The following FAM81B variants were observed in gnomAD, a reference collection of about 807,000 sequenced individuals.
FAM81B encodes the protein protein FAM81B.
In FAM81B, 60 loss-of-function variants were observed where a neutral mutation model predicts 58.7. The observed-to-expected ratio is 1.02, with a 90% CI of 0.83 to 1.27. The LOEUF (loss-of-function observed/expected upper bound fraction) is 1.27, where lower values mean the gene tolerates loss of function less well. Ranked by LOEUF, FAM81B falls within the 50% of genes most tolerant of loss-of-function variation. The pLI is 0.00. For missense variants in FAM81B, 491 were observed against 522.0 expected (o/e 0.94, Z 0.58); for synonymous variants, 189 against 179.6 (o/e 1.05, Z -0.42).
At chr5:95,426,093 T>C (rs933802196) in intron 5 of FAM81B, among the ~76,000 whole-genome samples, 1 of 80,860 alleles carries the variant, frequency 1.2e-5, no homozygotes, top group Non-Finnish European at 2.3e-5. Flanking sequence ...TATCTCTGTG[T>C]GTATATATAT....
At chr5:95,450,034 A>T in intron 9 of FAM81B, 115 bp from the exon 10 acceptor site, 2 of 1,197,148 alleles carry the variant, frequency 1.7e-6, no homozygotes, top group Non-Finnish European at 2.3e-6. Flanking sequence ...CATAGAATTT[A>T]ATGCGCTTGG....
chr5:95,439,419 T>C (rs1242634737), intron 7 of FAM81B, among the ~76,000 whole-genome samples: 1 of 151,906 alleles, frequency 6.6e-6, no homozygotes, highest in Non-Finnish European at 1.5e-5. Flanking sequence ...GCATCTGTTT[T>C]AATTTGCATT....
chr5:95,420,550 G>A, intron 5 of FAM81B, 148 bp downstream of exon 5: 2 of 1,177,708 alleles, frequency 1.7e-6, no homozygotes, highest in Non-Finnish European at 2.3e-6. Context: ...GTGTACCATA[G>A]AACTTTCAAT....
At chr5:95,420,532 T>C in intron 5 of FAM81B, 130 bp downstream of exon 5, 2 of 1,305,948 alleles carry the variant, frequency 1.5e-6, no homozygotes, top group Middle Eastern at 1.9e-4. Context: ...GAGATGGCAT[T>C]TGAGAAAGTG....
intron 5 of FAM81B, among the ~76,000 whole-genome samples, chr5:95,427,481 T>C (rs180797599): frequency 4.7e-4 from 72 of 152,268 alleles, no homozygotes; most frequent in Admixed American, 1.2e-3. Flanking sequence ...GGGATACCTT[T>C]AGTATCTTTT....
chr5:95,450,330 G>A lies in FAM81B; in HGVS notation c.*48G>A. On this transcript the variant is annotated 3_prime_UTR_variant, in exon 10 of 10. Transcript: ENST00000283357. ...TCATCAGCCAATGGAGTGATTTGTT[G>A]GAAAAAGTTCTGAAGAAGAAAGTTA... 6.3e-7 allele frequency: 1 copy of A among 1,590,754 alleles called. No homozygotes were observed. The highest frequency in any genetic ancestry group is 8.5e-7 in the Non-Finnish European group (1 of 1,172,554).
intron 4 of FAM81B, among the ~76,000 whole-genome samples, chr5:95,417,188 C>A (rs572197287): frequency 6.6e-6 from 1 of 152,070 alleles, no homozygotes; most frequent in Non-Finnish European, 1.5e-5. Flanking sequence ...AATTGTTTTC[C>A]GGAAAGTTTA....
intron 2 of FAM81B, among the ~76,000 whole-genome samples, chr5:95,393,179 A>T (rs1237855850): frequency 6.6e-6 from 1 of 152,180 alleles, no homozygotes; most frequent in African/African-American, 2.4e-5. Context: ...ACCATGATAA[A>T]CTCAAGGTGC....
At chr5:95,414,902 T>C (rs1762498358) in intron 4 of FAM81B, among the ~76,000 whole-genome samples, 1 of 152,216 alleles carries the variant, frequency 6.6e-6, no homozygotes, top group Admixed American at 6.5e-5. Context: ...ATGGTCTATA[T>C]TTGATTCCTG....
chr5:95,432,845 T>C (rs564267849), intron 6 of FAM81B, among the ~76,000 whole-genome samples: 103 of 152,294 alleles, frequency 6.8e-4, no homozygotes, highest in Middle Eastern at 3.4e-3. Flanking sequence ...ATATATTTTT[T>C]ATTTTCTGCT....
intron 3 of FAM81B, among the ~76,000 whole-genome samples, chr5:95,405,514 G>T (rs925891804): frequency 6.6e-6 from 1 of 151,540 alleles, no homozygotes; most frequent in Non-Finnish European, 1.5e-5. Flanking sequence ...ATCTTCTGTT[G>T]TCTTCTCTCT....
intron 2 of FAM81B, 67 bp downstream of exon 2, chr5:95,392,964 G>A: frequency 7.4e-7 from 1 of 1,348,054 alleles, no homozygotes. Context: ...AGTTTAGAGT[G>A]CTTAGAGAGT....
chr5:95,391,663 G>GAA (rs34118099), intron 1 of FAM81B, 150 bp downstream of exon 1: 2,322 of 691,712 alleles, frequency 3.4e-3, no homozygotes, highest in Non-Finnish European at 3.8e-3. Flanking sequence ...AAATGTACAA[G>GAA]AAAAAAAAAC....
chr5:95,393,395 C>CAA (rs936389848), intron 2 of FAM81B, among the ~76,000 whole-genome samples: 11 of 152,170 alleles, frequency 7.2e-5, no homozygotes, highest in Non-Finnish European at 1.6e-4. Flanking sequence ...AGCACAATAT[C>CAA]AAACATTGAT....
intron 5 of FAM81B, among the ~76,000 whole-genome samples, chr5:95,426,789 C>A (rs1274445828): frequency 6.6e-6 from 1 of 152,182 alleles, no homozygotes; most frequent in Non-Finnish European, 1.5e-5. Context: ...TGGCTCACGC[C>A]TGTAATCCCA....
At chr5:95,427,645 GA>G (rs1762883434) in intron 5 of FAM81B, among the ~76,000 whole-genome samples, 1 of 152,128 alleles carries the variant, frequency 6.6e-6, no homozygotes, top group Admixed American at 6.5e-5. Flanking sequence ...ATAATAATAT[GA>G]AAATGTATTT....
chr5:95,414,187 T>C lies in FAM81B; in HGVS notation c.534T>C (p.Ile178=), dbSNP rs1158940063. The C allele has an allele frequency of 6.2e-7, 1 of 1,605,258 alleles. No individual in the cohort carries two copies. The highest frequency in any genetic ancestry group is 1.7e-5 in the Admixed American group (1 of 58,534). The change falls in exon 4 of 10, where the codon ATT becomes ATC. Residue 178 remains isoleucine, a synonymous_variant. Transcript: ENST00000283357. ...TSIVKKLSQN[I]EILEDQIRAR... ...TCGTCAAAAAACTCAGCCAAAATAT[T>C]GAGGTAGTTCTCTTTTTGTTTTATT...
chr5:95,437,136 A>G (rs1745136154), intron 7 of FAM81B, among the ~76,000 whole-genome samples: 1 of 152,164 alleles, frequency 6.6e-6, no homozygotes, highest in Admixed American at 6.5e-5. Context: ...CAATATCTCA[A>G]CTGAATTGAC....
At chr5:95,396,652 T>TAGAGTAA (rs1761973029) in intron 3 of FAM81B, 1 of 152,832 alleles carries the variant, frequency 6.5e-6, no homozygotes, top group Non-Finnish European at 1.5e-5. Context: ...GAGGGACAAC[T>TAGAGTAA]CCAGGCACTT....
Sources: gnomAD v4.1 joint callset for allele counts (sites outside exome capture counted in the v4.1 genomes callset) on GRCh38, gnomAD v4.1.1 for gene constraint, MANE v1.5 for transcripts, NCBI Gene and HGNC (gene_info 2026-07-23, HGNC 2026-07-21) for gene names.